Variants in CFAP61 observed in about 807,000 individuals in gnomAD.
CFAP61 encodes cilia and flagella associated protein 61.
In CFAP61, 107 loss-of-function variants were observed where a neutral mutation model predicts 135.6. That is an observed-to-expected ratio of 0.79 (90% CI 0.67 to 0.93). CFAP61 has a LOEUF of 0.93. Ranked by LOEUF, CFAP61 falls within the 40% of genes least tolerant of loss-of-function variation. The pLI is 0.00. For missense variants in CFAP61, 1,507 were observed against 1,556.2 expected (o/e 0.97, Z 0.53); for synonymous variants, 575 against 578.5 (o/e 0.99, Z 0.09).
At chr20:20,106,003 T>TAC (rs1313992491) in intron 8 of CFAP61, among the ~76,000 whole-genome samples, 2,241 of 13,754 alleles carry the variant, frequency 0.16, 124 homozygotes, top group African/African-American at 0.23. Context: ...CTCTTGCCTA[T>TAC]ATATATATAT....
chr20:20,286,157 A>G (rs2054578088), intron 22 of CFAP61, among the ~76,000 whole-genome samples: 1 of 152,178 alleles, frequency 6.6e-6, no homozygotes, highest in Non-Finnish European at 1.5e-5. Context: ...TATAGTTATT[A>G]TCAGTGGGAT....
chr20:20,154,766 C>G (rs1301418178), intron 9 of CFAP61, among the ~76,000 whole-genome samples: 1 of 151,914 alleles, frequency 6.6e-6, no homozygotes, highest in African/African-American at 2.4e-5. Context: ...TGCTGAAAGA[C>G]ATCACTGATG....
At chr20:20,173,883 G>T (rs1251124493) in intron 13 of CFAP61, among the ~76,000 whole-genome samples, 1 of 152,110 alleles carries the variant, frequency 6.6e-6, no homozygotes, top group African/African-American at 2.4e-5. Context: ...TGTAGTAGCG[G>T]CCTTGTTCTT....
Position 20,070,998 on chromosome 20 carries a change from A to C in CFAP61, c.288A>C (p.Pro96=). Residue 96 remains proline, a synonymous_variant, in exon 3 of 27, where the codon CCA becomes CCC. Transcript: ENST00000245957. ...SVFRELDSDI[P]CTPLNTLFMH... is the part of the protein sequence containing the mutation. ...TCCGGGAGCTCGACAGTGACATCCC[A>C]TGCACAGTAAGAAATCACATACAGT... 6.2e-7 allele frequency: 1 copy of C among 1,613,556 alleles called. No individual in the cohort carries two copies. The highest frequency in any genetic ancestry group is 2.2e-5 in the East Asian group (1 of 44,862).
At chr20:20,264,258 TG>T (rs1010114337) in intron 21 of CFAP61, among the ~76,000 whole-genome samples, 1 of 152,166 alleles carries the variant, frequency 6.6e-6, no homozygotes, top group African/African-American at 2.4e-5. Context: ...GTCAGGTTTT[TG>T]GAATCAAGGG....
intron 15 of CFAP61, among the ~76,000 whole-genome samples, chr20:20,192,563 G>A (rs1014630658): frequency 3.3e-5 from 5 of 151,974 alleles, no homozygotes; most frequent in African/African-American, 7.3e-5. Context: ...CCCTCCTCCC[G>A]CGCCACCCTC....
intron 25 of CFAP61, among the ~76,000 whole-genome samples, chr20:20,327,961 C>T (rs890624548): frequency 6.6e-6 from 1 of 152,120 alleles, no homozygotes; most frequent in Non-Finnish European, 1.5e-5. Context: ...TGAGCACCCA[C>T]AGTCTTGGGC....
chr20:20,145,427 A>C (rs1337013165), intron 9 of CFAP61, among the ~76,000 whole-genome samples: 1 of 152,198 alleles, frequency 6.6e-6, no homozygotes, highest in African/African-American at 2.4e-5. Flanking sequence ...TCATCATAAA[A>C]ATACAAAATT....
chr20:20,075,150 T>G, intron 4 of CFAP61, 39 bp from the exon 5 acceptor site: 2 of 1,594,138 alleles, frequency 1.3e-6, no homozygotes, highest in South Asian at 2.2e-5. Flanking sequence ...TGGGATTGCT[T>G]TGTTAGTAAC....
At chr20:20,158,917 A>G (rs1452001287) in intron 9 of CFAP61, among the ~76,000 whole-genome samples, 1 of 152,246 alleles carries the variant, frequency 6.6e-6, no homozygotes, top group Non-Finnish European at 1.5e-5. Context: ...TTAGGTTGGC[A>G]CAAATTACTT....
intron 17 of CFAP61, among the ~76,000 whole-genome samples, chr20:20,217,467 A>C (rs2048111947): frequency 6.6e-6 from 1 of 152,180 alleles, no homozygotes; most frequent in Non-Finnish European, 1.5e-5. Context: ...ATAAATATGA[A>C]ATAAATATCC....
chr20:20,253,801 G>A (rs1003308505), intron 20 of CFAP61: 10 of 207,336 alleles, frequency 4.8e-5, no homozygotes, highest in African/African-American at 9.4e-5. Flanking sequence ...TGAACCTCTC[G>A]ATTTGCCTGA....
At chr20:20,308,250 T>A (rs1009150638) in intron 25 of CFAP61, among the ~76,000 whole-genome samples, 12 of 152,164 alleles carry the variant, frequency 7.9e-5, no homozygotes, top group African/African-American at 2.2e-4. Context: ...GAACAGTCGT[T>A]CCCTAAAATG....
chr20:20,150,300 G>A lies in CFAP61; in HGVS notation c.951+7352G>A, dbSNP rs370812465. On this transcript the variant is annotated intron_variant, in intron 9 of 26. Coordinates refer to ENST00000245957, the MANE Select transcript of CFAP61 (RefSeq NM_015585.4). ...ACCCCAGTAGCCAATCACAAAAGAC[G>A]TAAAAGCTTGGGATCTTTATGGCCC... is the stretch of plus-strand genomic sequence containing the variant. 1.6e-4 allele frequency among the ~76,000 whole-genome samples: 24 copies of A among 152,156 alleles called. No individual in the cohort carries two copies. In the East Asian group the frequency reaches 2.1e-3, roughly 14 times the overall value.
chr20:20,326,726 C>T (rs1016175709), intron 25 of CFAP61, among the ~76,000 whole-genome samples: 1 of 152,136 alleles, frequency 6.6e-6, no homozygotes, highest in South Asian at 2.1e-4. Context: ...TGTTTCTGTA[C>T]TCTTCCATGC....
chr20:20,286,895 TTAATTA>T (rs1318319171), intron 22 of CFAP61, among the ~76,000 whole-genome samples: 2 of 152,202 alleles, frequency 1.3e-5, no homozygotes, highest in Admixed American at 1.3e-4. Context: ...AAAAGTAGGC[TTAATTA>T]GAGAAAGAAA....
intron 25 of CFAP61, among the ~76,000 whole-genome samples, chr20:20,338,916 G>A (rs2058337034): frequency 6.6e-6 from 1 of 152,176 alleles, no homozygotes; most frequent in Middle Eastern, 3.2e-3. Flanking sequence ...AATCTCCCAG[G>A]GCTTCTTGGA....
At chr20:20,238,010 T>A (rs1781743804) in intron 18 of CFAP61, among the ~76,000 whole-genome samples, 1 of 152,232 alleles carries the variant, frequency 6.6e-6, no homozygotes, top group Non-Finnish European at 1.5e-5. Flanking sequence ...ACCTCGTGTA[T>A]ATTTAAAATC....
At chr20:20,066,687 T>C (rs1320730210) in intron 2 of CFAP61, among the ~76,000 whole-genome samples, 1 of 151,820 alleles carries the variant, frequency 6.6e-6, no homozygotes, top group Admixed American at 6.6e-5. Context: ...GGGTGGGGGC[T>C]AGGGGAGGGA....
Sources: allele counts gnomAD v4.1 joint callset (sites outside exome capture counted in the v4.1 genomes callset), GRCh38; gene constraint gnomAD v4.1.1; transcripts MANE v1.5; gene names NCBI Gene and HGNC (gene_info 2026-07-23, HGNC 2026-07-21).